GAB2: variants seen among roughly 807,000 people sequenced by gnomAD.
GAB2 encodes GRB2 associated binding protein 2.
Under a neutral mutation model 65.5 loss-of-function variants are expected in GAB2, and 26 were observed. That is an observed-to-expected ratio of 0.40 (90% confidence interval 0.29 to 0.55). GAB2 has a LOEUF of 0.55. GAB2 is among the 20% of genes least tolerant of loss of function. The probability of loss-of-function intolerance (pLI) is 0.53; values close to 1 mark genes in which losing one functional copy is unlikely to be tolerated. For missense variants in GAB2, 884 were observed against 875.8 expected, an observed-to-expected ratio of 1.01 and a Z score of -0.12; for synonymous variants, 321 against 329.6, an observed-to-expected ratio of 0.97 and a Z score of 0.28.
intron 3 of GAB2, among the ~76,000 whole-genome samples, chr11:78,248,620 C>G (rs1274001697): frequency 6.6e-6 from 1 of 152,208 alleles, no homozygotes; most frequent in Non-Finnish European, 1.5e-5. Flanking sequence ...ATAGGAAGAA[C>G]AGGTAAAATG....
At chr11:78,319,360 C>A (rs1855678714) in intron 1 of GAB2, among the ~76,000 whole-genome samples, 1 of 152,178 alleles carries the variant, frequency 6.6e-6, no homozygotes, top group African/African-American at 2.4e-5. Flanking sequence ...AAATGTTCAT[C>A]CCTTTGTGCC....
intron 1 of GAB2, among the ~76,000 whole-genome samples, chr11:78,361,025 A>C (rs1358178914): frequency 1.3e-5 from 2 of 152,202 alleles, no homozygotes; most frequent in Non-Finnish European, 2.9e-5. Context: ...ATTGCTATAT[A>C]TATTTTATAA....
At chr11:78,304,259 G>GT (rs1349160184) in intron 1 of GAB2, among the ~76,000 whole-genome samples, 4 of 151,848 alleles carry the variant, frequency 2.6e-5, no homozygotes, top group Non-Finnish European at 5.9e-5. Flanking sequence ...ACAATTTAGG[G>GT]TTTTTTGTAT....
chr11:78,348,405 C>T (rs527569688), intron 1 of GAB2, among the ~76,000 whole-genome samples: 4 of 152,108 alleles, frequency 2.6e-5, no homozygotes, highest in Non-Finnish European at 5.9e-5. Context: ...AGATAAATGA[C>T]ACAATTTTTT....
At chr11:78,299,303 C>A (rs1052573861) in intron 1 of GAB2, among the ~76,000 whole-genome samples, 2 of 152,122 alleles carry the variant, frequency 1.3e-5, no homozygotes, top group African/African-American at 4.8e-5. Context: ...TCATCTATAA[C>A]GTACAAGTGT....
intron 1 of GAB2, among the ~76,000 whole-genome samples, chr11:78,366,424 A>G (rs1021445645): frequency 6.6e-6 from 1 of 151,894 alleles, no homozygotes; most frequent in African/African-American, 2.4e-5. Flanking sequence ...CGTCTCTACT[A>G]AAAATACAAA....
chr11:78,345,512 C>G (rs572768996), intron 1 of GAB2, among the ~76,000 whole-genome samples: 91 of 152,258 alleles, frequency 6.0e-4, no homozygotes, highest in African/African-American at 2.1e-3. Flanking sequence ...AACTCCTGTT[C>G]CTCAACACAC....
Position 78,222,163 on chromosome 11 carries a change from T to C in GAB2, c.1600A>G (p.Thr534Ala). 1 of 1,613,986 alleles carries C rather than the reference T, an allele frequency of 6.2e-7. No individual in the cohort carries two copies. The change falls in exon 7 of 10, where the codon ACC becomes GCC. Residue 534 changes from threonine to alanine, a missense_variant. Physicochemically the swap from Thr to Ala is moderately conservative, Grantham distance 58 (BLOSUM62 0). Coordinates refer to ENST00000361507, the MANE Select transcript of GAB2 (RefSeq NM_080491.3). ...KPTPLDLRNN[T>A]VIDELPFKSP... ...TTGAAGGGGAGTTCATCGATGACGG[T>C]GTTGTTCCTCAGGTCAAGTGGTGTT...
intron 1 of GAB2, among the ~76,000 whole-genome samples, chr11:78,311,965 C>T (rs1855508262): frequency 3.3e-5 from 5 of 152,080 alleles, no homozygotes; most frequent in Admixed American, 3.3e-4. Flanking sequence ...CAAACAATGC[C>T]GTCCAGGGCT....
intron 1 of GAB2, among the ~76,000 whole-genome samples, chr11:78,356,429 AC>A (rs1856360438): frequency 6.6e-6 from 1 of 152,186 alleles, no homozygotes; most frequent in South Asian, 2.1e-4. Context: ...AAAAAATATT[AC>A]CTATAGCAGA....
chr11:78,407,675 A>AAGAAAGAGAAGGC (rs1555001708), intron 1 of GAB2, among the ~76,000 whole-genome samples: 1 of 147,608 alleles, frequency 6.8e-6, no homozygotes, highest in African/African-American at 2.6e-5. Context: ...GAAAGAAAGA[A>AAGAAAGAGAAGGC]AGAAAGAAAG....
chr11:78,285,923 A>T (rs747012663), intron 1 of GAB2, among the ~76,000 whole-genome samples: 1 of 152,190 alleles, frequency 6.6e-6, no homozygotes, highest in Non-Finnish European at 1.5e-5. Context: ...AAGGCATGTC[A>T]GTTTTTACAA....
chr11:78,409,012 C>T (rs925390081), intron 1 of GAB2, among the ~76,000 whole-genome samples: 15 of 152,008 alleles, frequency 9.9e-5, no homozygotes, highest in African/African-American at 3.4e-4. Context: ...CAACAATATG[C>T]CACCTATAAG....
At chr11:78,299,918 CTTTT>C (rs931867857) in intron 1 of GAB2, among the ~76,000 whole-genome samples, 2 of 151,410 alleles carry the variant, frequency 1.3e-5, no homozygotes, top group Admixed American at 1.3e-4. Context: ...TGGGCTGATC[CTTTT>C]TTTTTCTTTT....
At chr11:78,399,331 G>T (rs1233931128) in intron 1 of GAB2, among the ~76,000 whole-genome samples, 2 of 152,194 alleles carry the variant, frequency 1.3e-5, no homozygotes, top group Admixed American at 6.5e-5. Context: ...AAGCCCAGAA[G>T]GCGGCTCCCT....
At chr11:78,301,335 T>TC (rs1867012831) in intron 1 of GAB2, among the ~76,000 whole-genome samples, 1 of 150,752 alleles carries the variant, frequency 6.6e-6, no homozygotes, top group African/African-American at 2.5e-5. Flanking sequence ...TTGTGGTTTT[T>TC]TGTTTTTTTT....
intron 1 of GAB2, chr11:78,363,884 T>C (rs1420737132): frequency 6.6e-6 from 1 of 151,962 alleles, no homozygotes; most frequent in Admixed American, 6.6e-5. Context: ...GTGCCTGGCT[T>C]AGAAATACAT....
At chr11:78,243,671 T>G (rs1865209078) in intron 3 of GAB2, among the ~76,000 whole-genome samples, 1 of 150,086 alleles carries the variant, frequency 6.7e-6, no homozygotes. Context: ...AAACCCTGTC[T>G]CTACTAAAAA....
intron 1 of GAB2, among the ~76,000 whole-genome samples, chr11:78,302,458 A>G (rs1867052198): frequency 6.6e-6 from 1 of 152,188 alleles, no homozygotes; most frequent in African/African-American, 2.4e-5. Context: ...TGATCAGGCA[A>G]ATGCAAATCA....
Sources: gnomAD v4.1 joint callset for allele counts (sites outside exome capture counted in the v4.1 genomes callset) on GRCh38, gnomAD v4.1.1 for gene constraint, MANE v1.5 for transcripts, NCBI Gene and HGNC (gene_info 2026-07-23, HGNC 2026-07-21) for gene names.